Variants in GPR174 observed in about 807,000 individuals in gnomAD.
The protein encoded by GPR174 is G protein-coupled receptor 174, also known as probable G protein-coupled receptor 174.
GPR174 carries 8 observed loss-of-function variants against 16.5 expected under a neutral mutation model. The observed-to-expected ratio is 0.48, with a 90% CI of 0.28 to 0.87. The LOEUF is 0.87. Among genes scored for constraint, GPR174 ranks in the 40% least tolerant of loss-of-function variants. The pLI, the probability that GPR174 is intolerant of heterozygous loss-of-function variation, is 0.09. For missense variants in GPR174, 214 were observed against 247.5 expected (o/e 0.86, Z 0.91); for synonymous variants, 111 against 94.8 (o/e 1.17, Z -0.99).
rs1921526445 is a variant in GPR174 at position 79,171,939 on chromosome X, G to A, written c.932G>A (p.Ser311Asn). 2.5e-6 allele frequency: 3 copies of A among 1,209,451 alleles called. No homozygotes were observed. Among genetic ancestry groups the A allele is most frequent in the Non-Finnish European group, 3.4e-6 (3 of 894,201 alleles). Residue 311 changes from serine (S) to asparagine (N), a missense_variant, in exon 3 of 3, where the codon AGC (serine) becomes AAC (asparagine). Transcript: ENST00000645147. The stretch of plus-strand genomic sequence containing the variant: ...CTTTCAAGACAAGATTTGCATGACA[G>A]CATCCAACTCCATGCAAAATCCTTT... Reference protein sequence around the residue: ...RRLSRQDLHDSIQLHAKSFVS... With the variant: ...RRLSRQDLHDNIQLHAKSFVS...
chrX:79,175,188 C>T lies in GPR174; in HGVS notation c.*3179C>T, dbSNP rs1330028777. 9.0e-6 allele frequency: 1 copy of T among 111,558 alleles called. No homozygotes were observed. The highest frequency in any genetic ancestry group is 1.9e-5 in the Non-Finnish European group (1 of 53,104). The allele number at this position is 111,558 out of a possible 1,213,427, so 9.2% of individuals were successfully genotyped here. A position where few individuals can be genotyped will look rare whatever the true frequency, so the allele number is the denominator to read the frequency against. On this transcript the variant is annotated 3_prime_UTR_variant, in exon 3 of 3. Coordinates refer to ENST00000645147, the MANE Select transcript of GPR174 (RefSeq NM_032553.3). ...GTGCATCTGTGGAACTCTTGCGCAA[C>T]TTACATTTTATGTCACCTTTTGATT...
At position 79,171,622 on chromosome X, in the gene GPR174, C is replaced by G; in HGVS notation, c.615C>G (p.Thr205=). The part of the protein sequence containing the change: ...VTPLLIVLYC[T]WKTVLSLQDK... ...CGCTTCTGATTGTCCTATATTGTAC[C>G]TGGAAGACGGTTTTATCACTGCAAG... Residue 205 remains threonine, a synonymous_variant, in exon 3 of 3, where the codon ACC becomes ACG. Transcript: ENST00000645147. The G allele has an allele frequency of 1.7e-6, 2 of 1,211,406 alleles. No homozygotes were observed. Among genetic ancestry groups the G allele is most frequent in the Non-Finnish European group, 2.2e-6 (2 of 895,449 alleles).
chrX:79,168,306 G>A (rs1375949664), intron 2 of GPR174, among the ~76,000 whole-genome samples: 3 of 111,515 alleles, frequency 2.7e-5, no homozygotes, highest in Non-Finnish European at 5.7e-5. Flanking sequence ...ATATAAAGTT[G>A]AATTTTGAGC....
intron 2 of GPR174, among the ~76,000 whole-genome samples, chrX:79,168,404 A>G (rs766719702): frequency 3.0e-4 from 33 of 111,686 alleles, no homozygotes; most frequent in African/African-American, 1.1e-3. Flanking sequence ...TAGTGTCTCA[A>G]AGACCACCAT....
chrX:79,151,316 T>A (rs903369953), intron 1 of GPR174, among the ~76,000 whole-genome samples: 2 of 111,752 alleles, frequency 1.8e-5, no homozygotes, highest in African/African-American at 6.5e-5. Flanking sequence ...AGAAATTACA[T>A]AACTTGCCCA....
intron 1 of GPR174, among the ~76,000 whole-genome samples, chrX:79,152,326 T>A (rs920882635): frequency 3.6e-5 from 4 of 111,601 alleles, no homozygotes; most frequent in African/African-American, 1.3e-4. Context: ...TTTTTATATT[T>A]GTGAGTAAGC....
At chrX:79,153,101 T>A (rs1465908505) in intron 1 of GPR174, among the ~76,000 whole-genome samples, 3 of 112,463 alleles carry the variant, frequency 2.7e-5, no homozygotes, top group Non-Finnish European at 1.9e-5. Flanking sequence ...ATCGCTGTTT[T>A]CAGAAATGCT....
In GPR174 at chrX:79,166,432, C is replaced by CTTTTTTT. The variant is rs1174620976; in HGVS notation, c.-556-4000_-556-3994dup. ...GGATCTTTTTTTTCTTTTCTTTTTT[C>CTTTTTTT]TTTTTTTTTTTTTTTTTTTTTTTTT... On this transcript the variant is annotated intron_variant, in intron 2 of 2. Transcript: ENST00000645147. Among the ~76,000 whole-genome samples the CTTTTTTT allele has an allele frequency of 6.0e-3, 261 of 43,638 alleles. 1 individual carries two copies. The highest frequency in any genetic ancestry group is 0.042 in the Middle Eastern group (1 of 24). The allele number at this position is 43,638 out of a possible 115,157, so 37.9% of individuals were successfully genotyped here. A position where few individuals can be genotyped will look rare whatever the true frequency, so the allele number is the denominator to read the frequency against.
intron 1 of GPR174, among the ~76,000 whole-genome samples, chrX:79,148,685 ATTTTTGTACTT>A (rs1162328295): frequency 9.0e-6 from 1 of 110,850 alleles, no homozygotes; most frequent in Non-Finnish European, 1.9e-5. Context: ...TGCAAGGCTA[ATTTTTGTACTT>A]TTTTTGTGGA....
chrX:79,170,913 C>G lies in GPR174; in HGVS notation c.-95C>G. 1 of 751,702 alleles carries G rather than the reference C, an allele frequency of 1.3e-6. No individual in the cohort carries two copies. The highest frequency in any genetic ancestry group is 3.3e-5 in the East Asian group (1 of 30,489). 61.9% of individuals were successfully genotyped at this position (751,702 alleles called of 1,213,427 possible). Reference sequence around the variant, plus strand: ...GTTATTTTATACTTCGTATCTCCAACCCACTGGCAATCAATCTTTTGGAAG... The same window carrying G: ...GTTATTTTATACTTCGTATCTCCAAGCCACTGGCAATCAATCTTTTGGAAG... On this transcript the variant is annotated 5_prime_UTR_variant, in exon 3 of 3. Transcript: ENST00000645147.
intron 2 of GPR174, among the ~76,000 whole-genome samples, chrX:79,163,241 A>C (rs953981980): frequency 1.1e-4 from 12 of 112,455 alleles, no homozygotes; most frequent in Non-Finnish European, 2.1e-4. Context: ...CTTTCTATTT[A>C]ACGTATTAAA....
intron 2 of GPR174, among the ~76,000 whole-genome samples, chrX:79,163,987 A>G (rs1017746533): frequency 7.2e-5 from 8 of 111,860 alleles, no homozygotes; most frequent in African/African-American, 2.6e-4. Context: ...ACTTTCTTCC[A>G]ATCAATATAT....
At position 79,171,352 on chromosome X, in the gene GPR174, A is replaced by G. The variant is rs573803686; in HGVS notation, c.345A>G (p.Arg115=). 7 of 1,209,977 alleles carry G rather than the reference A, an allele frequency of 5.8e-6. No individual in the cohort carries two copies. In the African/African-American group the frequency reaches 1.0e-4, roughly 18 times the overall value. Residue 115 remains arginine, a synonymous_variant, in exon 3 of 3, where the codon CGA becomes CGG. Transcript: ENST00000645147. ...SIYFLVCISV[R]RFWFLMYPFR... ...ACTTCTTGGTCTGCATCAGTGTGCGACGATTTTGGTTTCTCATGTACCCCT... is the reference window on the plus strand; with the variant it reads ...ACTTCTTGGTCTGCATCAGTGTGCGGCGATTTTGGTTTCTCATGTACCCCT...
chrX:79,166,770 A>G (rs1415143400), intron 2 of GPR174, among the ~76,000 whole-genome samples: 1 of 111,274 alleles, frequency 9.0e-6, no homozygotes, highest in African/African-American at 3.3e-5. Flanking sequence ...ACTCTGGTTT[A>G]GATCTAAACT....
chrX:79,155,548 G>A (rs958618396), intron 1 of GPR174, among the ~76,000 whole-genome samples: 4 of 111,774 alleles, frequency 3.6e-5, no homozygotes, highest in Non-Finnish European at 7.5e-5. Context: ...AGGATATGTA[G>A]TATTTATTGA....
At chrX:79,158,448 C>CTT (rs1349860423) in intron 2 of GPR174, among the ~76,000 whole-genome samples, 1 of 30,522 alleles carries the variant, frequency 3.3e-5, no homozygotes, top group Admixed American at 2.6e-4. Flanking sequence ...CTTTCTTTTT[C>CTT]TTTTTTTTTT....
intron 1 of GPR174, among the ~76,000 whole-genome samples, chrX:79,148,835 T>C (rs1172284085): frequency 1.8e-5 from 2 of 112,000 alleles, no homozygotes; most frequent in African/African-American, 3.2e-5. Flanking sequence ...TATGATAAAA[T>C]AATTCTTACA....
chrX:79,149,860 A>C (rs1926568473), intron 1 of GPR174, among the ~76,000 whole-genome samples: 1 of 102,913 alleles, frequency 9.7e-6, no homozygotes, highest in Admixed American at 1.1e-4. Flanking sequence ...TTGGTTAAGC[A>C]AACACTATGA....
chrX:79,146,087 G>C (rs1926495543), intron 1 of GPR174, among the ~76,000 whole-genome samples: 1 of 111,784 alleles, frequency 8.9e-6, no homozygotes, highest in Non-Finnish European at 1.9e-5. Flanking sequence ...GTTTAGGACA[G>C]TGCCTTTTGA....
Sources: allele counts gnomAD v4.1 joint callset (sites outside exome capture counted in the v4.1 genomes callset), GRCh38; gene constraint gnomAD v4.1.1; transcripts MANE v1.5; gene names NCBI Gene and HGNC (gene_info 2026-07-23, HGNC 2026-07-21).